Variants in GABRB1 observed in about 807,000 individuals in gnomAD.
The protein encoded by GABRB1 is gamma-aminobutyric acid type A receptor subunit beta1.
In GABRB1, 17 loss-of-function variants were observed where a neutral mutation model predicts 51.6. The observed-to-expected ratio is 0.33, with a 90% CI of 0.23 to 0.49. The LOEUF is 0.49. GABRB1 is among the 20% of genes least tolerant of loss of function. The probability of loss-of-function intolerance (pLI) is 0.99; values close to 1 mark genes in which losing one functional copy is unlikely to be tolerated. For synonymous variants in GABRB1, 247 were observed against 218.9 expected (o/e 1.13, Z -1.14); for missense variants, 410 against 600.6 (o/e 0.68, Z 3.32).
intron 3 of GABRB1, among the ~76,000 whole-genome samples, chr4:47,151,994 C>T (rs905244445): frequency 6.6e-6 from 1 of 151,962 alleles, no homozygotes; most frequent in African/African-American, 2.4e-5. Context: ...TGTATAAAGT[C>T]ACTACTAATT....
chr4:47,352,388 AAG>A (rs557465048), intron 5 of GABRB1, among the ~76,000 whole-genome samples: 44 of 152,344 alleles, frequency 2.9e-4, no homozygotes, highest in African/African-American at 1.0e-3. Context: ...TCAATAGAAA[AAG>A]AGAGAATCCT....
chr4:47,046,574 A>G (rs1217716149), intron 3 of GABRB1, among the ~76,000 whole-genome samples: 7 of 152,238 alleles, frequency 4.6e-5, no homozygotes, highest in Admixed American at 4.6e-4. Context: ...TGAATATGAG[A>G]TCACAGTGAC....
chr4:47,289,090 C>T lies in GABRB1; in HGVS notation c.462-31037C>T, dbSNP rs367782803. ...TTTGCTTCTGAGCCAGGGAGACATG[C>T]GTATCAGCAACAGAGGAATTTTTTG... On this transcript the variant is annotated intron_variant, in intron 4 of 8. Transcript: ENST00000295454. Among the ~76,000 whole-genome samples the T allele has an allele frequency of 1.8e-4, 28 of 151,926 alleles. No homozygotes were observed. The Middle Eastern group carries it at 0.014, about 74-fold the overall frequency.
intron 3 of GABRB1, among the ~76,000 whole-genome samples, chr4:47,078,845 C>T (rs1727685365): frequency 2.0e-5 from 3 of 152,110 alleles, no homozygotes; most frequent in Admixed American, 2.0e-4. Flanking sequence ...CTTTTCCATC[C>T]TAAGTCTCCA....
rs183365898 is a variant in GABRB1, at chr4:47,108,181, A to T, written c.241-53068A>T. ...AATCCCTCAGATGAAATTTATAGACACTTGAAAATTAATTCTGCAAAAGGT... is the reference window on the plus strand; with the variant it reads ...AATCCCTCAGATGAAATTTATAGACTCTTGAAAATTAATTCTGCAAAAGGT... On this transcript the variant is annotated intron_variant, in intron 3 of 8. Transcript: ENST00000295454. Among the ~76,000 whole-genome samples, 350 of 152,144 alleles carry T rather than the reference A, an allele frequency of 2.3e-3. 1 individual carries two copies. Among genetic ancestry groups the T allele is most frequent in the African/African-American group, 8.2e-3 (339 of 41,554 alleles).
At chr4:47,156,022 C>T (rs1031689885) in intron 3 of GABRB1, among the ~76,000 whole-genome samples, 1 of 145,730 alleles carries the variant, frequency 6.9e-6, no homozygotes, top group African/African-American at 2.5e-5. Flanking sequence ...TGGATTAATG[C>T]TACAATAAAA....
At chr4:47,159,283 AAGAAAAGAAG>A (rs1171190829) in intron 3 of GABRB1, among the ~76,000 whole-genome samples, 2 of 152,194 alleles carry the variant, frequency 1.3e-5, no homozygotes, top group South Asian at 4.1e-4. Context: ...CTGTCTCTAA[AAGAAAAGAAG>A]AGAAAAGAAA....
At chr4:47,067,776 G>A (rs1346149425) in intron 3 of GABRB1, among the ~76,000 whole-genome samples, 1 of 151,772 alleles carries the variant, frequency 6.6e-6, no homozygotes, top group African/African-American at 2.4e-5. Flanking sequence ...TGCAGGATAT[G>A]CAGGTTTGTT....
chr4:47,117,395 T>C (rs1342542320), intron 3 of GABRB1, among the ~76,000 whole-genome samples: 1 of 152,176 alleles, frequency 6.6e-6, no homozygotes, highest in Admixed American at 6.5e-5. Context: ...GCCTTTCTAA[T>C]TGCTGGCAAG....
intron 5 of GABRB1, among the ~76,000 whole-genome samples, chr4:47,326,010 A>G (rs1725245161): frequency 6.6e-6 from 1 of 152,216 alleles, no homozygotes; most frequent in African/African-American, 2.4e-5. Flanking sequence ...GTCTGAAAAT[A>G]TTAAATGGAA....
At chr4:47,101,244 G>A (rs556604555) in intron 3 of GABRB1, among the ~76,000 whole-genome samples, 1 of 151,990 alleles carries the variant, frequency 6.6e-6, no homozygotes, top group South Asian at 2.1e-4. Context: ...GAATGAATAA[G>A]TACATGAATC....
At chr4:47,038,517 T>G (rs1332503337) in intron 3 of GABRB1, among the ~76,000 whole-genome samples, 1 of 152,202 alleles carries the variant, frequency 6.6e-6, no homozygotes, top group Non-Finnish European at 1.5e-5. Context: ...TTTTAACACT[T>G]GTTGTGAAAC....
chr4:47,350,269 GTA>G (rs35809346), intron 5 of GABRB1, among the ~76,000 whole-genome samples: 3,475 of 109,826 alleles, frequency 0.032, 138 homozygotes, highest in African/African-American at 0.1. Flanking sequence ...ATTAATGTGT[GTA>G]TATATATATA....
chr4:47,038,176 G>A (rs1288083493), intron 3 of GABRB1, among the ~76,000 whole-genome samples: 1 of 152,146 alleles, frequency 6.6e-6, no homozygotes, highest in Non-Finnish European at 1.5e-5. Context: ...TCTCCTGGTA[G>A]GTGAGTCAAT....
chr4:47,124,006 T>TAA (rs1715998473), intron 3 of GABRB1, among the ~76,000 whole-genome samples: 1 of 132,796 alleles, frequency 7.5e-6, no homozygotes, highest in African/African-American at 2.8e-5. Flanking sequence ...CATATATATA[T>TAA]AATCTTGCTT....
At chr4:47,333,830 C>G (rs114512759) in intron 5 of GABRB1, among the ~76,000 whole-genome samples, 624 of 152,236 alleles carry the variant, frequency 4.1e-3, no homozygotes, top group Non-Finnish European at 6.1e-3. Flanking sequence ...TTCATCCCAC[C>G]ACACTGTGCC....
At chr4:47,249,088 A>T (rs1457869233) in intron 4 of GABRB1, among the ~76,000 whole-genome samples, 1 of 151,810 alleles carries the variant, frequency 6.6e-6, no homozygotes, top group East Asian at 1.9e-4. Context: ...TCATTCCTTG[A>T]GGTGTGAATT....
intron 3 of GABRB1, among the ~76,000 whole-genome samples, chr4:47,105,412 G>C (rs1477636585): frequency 6.6e-6 from 1 of 151,098 alleles, no homozygotes. Flanking sequence ...GAACAAGGTG[G>C]TCCTCTCTGT....
chr4:47,040,470 G>A (rs1410688929), intron 3 of GABRB1, among the ~76,000 whole-genome samples: 1 of 152,038 alleles, frequency 6.6e-6, no homozygotes, highest in Non-Finnish European at 1.5e-5. Flanking sequence ...GAAGAAATGA[G>A]CCCTGCATCC....
Sources: allele counts gnomAD v4.1 joint callset (sites outside exome capture counted in the v4.1 genomes callset), GRCh38; gene constraint gnomAD v4.1.1; transcripts MANE v1.5; gene names NCBI Gene and HGNC (gene_info 2026-07-23, HGNC 2026-07-21).